Variants in CC2D2A observed in about 807,000 individuals in gnomAD.
CC2D2A encodes coiled-coil and C2 domain-containing protein 2A.
Under a neutral mutation model 212.9 loss-of-function variants are expected in CC2D2A, and 155 were observed. The observed-to-expected ratio is 0.73, with a 90% CI of 0.64 to 0.83. The LOEUF is 0.83. CC2D2A is among the 40% of genes least tolerant of loss of function. CC2D2A has a pLI of 0.00. For synonymous variants in CC2D2A, 667 were observed against 686.5 expected (o/e 0.97, Z 0.44); for missense variants, 1,856 against 1,956.2 (o/e 0.95, Z 0.97).
At chr4:15,477,318 A>G (rs1714293065) in intron 2 of CC2D2A, among the ~76,000 whole-genome samples, 1 of 151,816 alleles carries the variant, frequency 6.6e-6, no homozygotes, top group Admixed American at 6.6e-5. Flanking sequence ...AAAAAAAAAA[A>G]CTTTAAGCAA....
chr4:15,472,170 A>G (rs1185958493), intron 1 of CC2D2A, among the ~76,000 whole-genome samples: 3 of 152,220 alleles, frequency 2.0e-5, no homozygotes, highest in African/African-American at 7.2e-5. Context: ...TCTTGGGATC[A>G]AGTTCTGAAT....
chr4:15,567,218 G>A (rs1053434937), intron 24 of CC2D2A, among the ~76,000 whole-genome samples, 159 bp from the exon 25 acceptor site: 3 of 152,186 alleles, frequency 2.0e-5, no homozygotes, highest in Admixed American at 6.5e-5. Flanking sequence ...GGGAGACAGA[G>A]GTTGCAGTGA....
intron 22 of CC2D2A, 65 bp from the exon 23 acceptor site, chr4:15,560,466 A>C: frequency 2.5e-6 from 2 of 800,072 alleles, no homozygotes; most frequent in East Asian, 2.7e-5. Context: ...AAAAACTTAG[A>C]GTGTGGAGAG....
chr4:15,524,113 T>C lies in CC2D2A; in HGVS notation c.1150-3334T>C, dbSNP rs757151411. Among the ~76,000 whole-genome samples the C allele has an allele frequency of 3.3e-5, 5 of 152,108 alleles. No individual in the cohort carries two copies. The South Asian group carries it at 8.3e-4, about 25-fold the overall frequency. ...GAAACTTGTATTTTAAACTTACCAATGATTATTAATTTTCTGTACATTTTT... is the reference window on the plus strand; with the variant it reads ...GAAACTTGTATTTTAAACTTACCAACGATTATTAATTTTCTGTACATTTTT... On this transcript the variant is annotated intron_variant, in intron 11 of 36. Coordinates refer to ENST00000424120, the MANE Select transcript of CC2D2A (RefSeq NM_001378615.1).
chr4:15,525,893 G>C (rs923244915), intron 11 of CC2D2A, among the ~76,000 whole-genome samples: 1 of 152,190 alleles, frequency 6.6e-6, no homozygotes, highest in Admixed American at 6.5e-5. Context: ...GAGACCACCA[G>C]CAATTATTGG....
Position 15,599,529 on chromosome 4 carries a change from G to C in CC2D2A, c.4497G>C (p.Arg1499Ser), listed in dbSNP as rs1482342015. The C allele has an allele frequency of 1.9e-6, 3 of 1,541,460 alleles. No individual in the cohort carries two copies. Among genetic ancestry groups the C allele is most frequent in the Non-Finnish European group, 2.6e-6 (3 of 1,137,350 alleles). ...DKAAAAELQD[R>S]IEKILKEKIM... is the part of the protein sequence containing the mutation. Reference sequence around the variant, plus strand: ...AATGGAATTTATGTTTTGTGAACAGGATTGAAAAAATACTAAAAGAAAAAA... The same window carrying C: ...AATGGAATTTATGTTTTGTGAACAGCATTGAAAAAATACTAAAAGAAAAAA... The change falls in exon 36 of 37, where the codon AGG (arginine) becomes AGC (serine). Residue 1499 changes from arginine (R) to serine (S), a missense_variant and splice_region_variant. This residue lies in a region of CC2D2A where 285 missense variants were observed against 278.4 expected (regional missense o/e 1.02). Coordinates refer to ENST00000424120, the MANE Select transcript of CC2D2A (RefSeq NM_001378615.1).
chr4:15,507,323 T>C (rs1716318777), intron 6 of CC2D2A, among the ~76,000 whole-genome samples: 1 of 152,158 alleles, frequency 6.6e-6, no homozygotes, highest in South Asian at 2.1e-4. Flanking sequence ...GGAAACTGTA[T>C]ACAGTTGCTT....
At chr4:15,517,105 G>A (rs1036304075) in intron 11 of CC2D2A, among the ~76,000 whole-genome samples, 7 of 151,738 alleles carry the variant, frequency 4.6e-5, no homozygotes, top group African/African-American at 9.7e-5. Context: ...CCGCCACCTC[G>A]CCCGGCTAAT....
chr4:15,568,461 T>C (rs949988814), intron 26 of CC2D2A, among the ~76,000 whole-genome samples: 1 of 152,162 alleles, frequency 6.6e-6, no homozygotes, highest in African/African-American at 2.4e-5. Flanking sequence ...CCAGGGCACA[T>C]GCCTGTAATC....
At chr4:15,589,446 T>C (rs1720993976) in intron 32 of CC2D2A, 99 bp from the exon 33 acceptor site, 2 of 1,013,792 alleles carry the variant, frequency 2.0e-6, no homozygotes, top group South Asian at 4.0e-5. Context: ...TTTCAGAAAT[T>C]AAGGGTCCAA....
chr4:15,578,376 G>A (rs1720500789), intron 29 of CC2D2A, among the ~76,000 whole-genome samples: 1 of 152,158 alleles, frequency 6.6e-6, no homozygotes, highest in South Asian at 2.1e-4. Flanking sequence ...CCCAATATAA[G>A]GGGCAGACAA....
chr4:15,484,568 C>T (rs1043275317), intron 4 of CC2D2A, among the ~76,000 whole-genome samples: 5 of 151,722 alleles, frequency 3.3e-5, no homozygotes, highest in Non-Finnish European at 5.9e-5. Flanking sequence ...ATGGGACTGG[C>T]GGGTAGTGGA....
intron 17 of CC2D2A, among the ~76,000 whole-genome samples, chr4:15,548,238 A>G (rs940693841): frequency 2.6e-5 from 4 of 151,754 alleles, no homozygotes; most frequent in African/African-American, 9.7e-5. Context: ...CCTAGAGTCC[A>G]TGATTGCCTC....
rs546095435 is a variant in CC2D2A at position 15,508,980 on chromosome 4, G to T, written c.439-1159G>T. 1.6e-4 allele frequency among the ~76,000 whole-genome samples: 25 copies of T among 152,292 alleles called. No homozygotes were observed. The South Asian group carries it at 5.2e-3, about 32-fold the overall frequency. ...AAGGAGGAGTATCTGGGTTTTAAAA[G>T]GGGTGGATTAGAAGGAGAGATGGGT... On this transcript the variant is annotated intron_variant, in intron 6 of 36. Coordinates refer to ENST00000424120, the MANE Select transcript of CC2D2A (RefSeq NM_001378615.1).
At chr4:15,599,053 C>G (rs935089670) in intron 35 of CC2D2A, among the ~76,000 whole-genome samples, 2 of 151,864 alleles carry the variant, frequency 1.3e-5, no homozygotes, top group African/African-American at 2.4e-5. Context: ...TCCCAGCTAC[C>G]AAAGAGGCTG....
At chr4:15,576,314 C>G (rs946293661) in intron 29 of CC2D2A, 8 of 898,594 alleles carry the variant, frequency 8.9e-6, no homozygotes, top group Non-Finnish European at 1.1e-5. Context: ...AAGGTCTCAT[C>G]CTAAAATTAT....
At position 15,557,534 on chromosome 4, in the gene CC2D2A, T is replaced by C. The variant is rs761580868; in HGVS notation, c.2829+27T>C. On this transcript the variant is annotated intron_variant, in intron 21 of 36. Transcript: ENST00000424120. ...TAAGAAACTGCCATAGAGGGGTTAA[T>C]AAAATAATAAAGTACCTACTGTGCT... 3.4e-6 allele frequency: 5 copies of C among 1,482,736 alleles called. No homozygotes were observed. The African/African-American group carries it at 5.6e-5, about 17-fold the overall frequency. The allele number at this position is 1,482,736 out of a possible 1,614,324, so 91.8% of individuals were successfully genotyped here.
At chr4:15,470,207 T>C (rs1713628880) in intron 1 of CC2D2A, 150 bp downstream of exon 1, 1 of 152,228 alleles carries the variant, frequency 6.6e-6, no homozygotes, top group Non-Finnish European at 1.5e-5. Context: ...ATGTTTTTAC[T>C]TTCTGAAATG....
intron 4 of CC2D2A, chr4:15,482,415 C>T (rs1714734335): frequency 1.8e-6 from 1 of 548,574 alleles, no homozygotes; most frequent in Non-Finnish European, 2.3e-6. Context: ...GAAGGCTGGA[C>T]ATCTGAGATC....
Sources: gnomAD v4.1 joint callset for allele counts (sites outside exome capture counted in the v4.1 genomes callset) on GRCh38, gnomAD v4.1.1 for gene constraint, gnomAD v4.1.1 regional missense constraint, MANE v1.5 for transcripts, NCBI Gene and HGNC (gene_info 2026-07-23, HGNC 2026-07-21) for gene names.